TFPI: variants seen among roughly 807,000 people sequenced by gnomAD.
TFPI encodes the protein anti-convertin.
TFPI carries 15 observed loss-of-function variants against 34.6 expected under a neutral mutation model. The ratio of observed to expected loss-of-function variants is 0.43; its 90% CI spans 0.29 to 0.67. The LOEUF (loss-of-function observed/expected upper bound fraction) is 0.67, where lower values mean the gene tolerates loss of function less well. TFPI is among the 30% of genes least tolerant of loss of function. The probability of loss-of-function intolerance (pLI) is 0.15; values close to 1 mark genes in which losing one functional copy is unlikely to be tolerated. For synonymous variants in TFPI, 105 were observed against 120.1 expected (o/e 0.87, Z 0.82); for missense variants, 301 against 364.0 (o/e 0.83, Z 1.41).
intron 1 of TFPI, 139 bp from the exon 2 acceptor site, chr2:187,503,909 A>G: frequency 2.4e-6 from 2 of 828,734 alleles, no homozygotes; most frequent in East Asian, 2.7e-5. Flanking sequence ...TTCTCTGTGC[A>G]TACTCAATGA....
chr2:187,516,456 T>G (rs1687010776), intron 1 of TFPI: 2 of 152,210 alleles, frequency 1.3e-5, no homozygotes, highest in Non-Finnish European at 2.9e-5. Context: ...CTGTACTCCT[T>G]CAAGTAATAA....
At chr2:187,494,441 A>G (rs1404841811) in intron 3 of TFPI, among the ~76,000 whole-genome samples, 4 of 152,120 alleles carry the variant, frequency 2.6e-5, no homozygotes, top group Non-Finnish European at 5.9e-5. Context: ...AGCAGGGGAG[A>G]CTGCAGGGCT....
rs1351890137 is a variant in TFPI, at chr2:187,520,052, A to AT, written c.-2-16283dup. On this transcript the variant is annotated intron_variant, in intron 1 of 7. Coordinates refer to ENST00000233156, the MANE Select transcript of TFPI (RefSeq NM_006287.6). ...TCAGACTGCTATGCTAGCAGCAAGA[A>AT]TTTCAAGCCAATGAATGTTAGCTTA... Among the ~76,000 whole-genome samples, 6 of 152,100 alleles carry AT rather than the reference A, an allele frequency of 3.9e-5. 1 individual carries two copies. The highest frequency in any genetic ancestry group is 1.2e-4 in the African/African-American group (5 of 41,392).
intron 1 of TFPI, among the ~76,000 whole-genome samples, chr2:187,506,387 T>A (rs1686221646): frequency 6.6e-6 from 1 of 152,120 alleles, no homozygotes; most frequent in African/African-American, 2.4e-5. Flanking sequence ...CAGAGACTTC[T>A]CATACACCTC....
intron 7 of TFPI, among the ~76,000 whole-genome samples, 153 bp from the exon 8 acceptor site, chr2:187,467,195 A>G (rs1237330457): frequency 6.6e-6 from 1 of 152,002 alleles, no homozygotes; most frequent in East Asian, 1.9e-4. Context: ...GTGTAGAACA[A>G]TTTATTTTTA....
chr2:187,518,734 T>C (rs1351012118), intron 1 of TFPI: 1 of 152,232 alleles, frequency 6.6e-6, no homozygotes, highest in Non-Finnish European at 1.5e-5. Flanking sequence ...CGAAGAGTGT[T>C]TTCCAGCTCC....
chr2:187,525,086 G>C (rs1398444422), intron 1 of TFPI, among the ~76,000 whole-genome samples: 5 of 151,706 alleles, frequency 3.3e-5, no homozygotes, highest in Non-Finnish European at 5.9e-5. Flanking sequence ...GAAAGGAAAG[G>C]AAAGAAAAAA....
At chr2:187,519,199 G>T (rs1004001252) in intron 1 of TFPI, 2 of 152,184 alleles carry the variant, frequency 1.3e-5, no homozygotes, top group African/African-American at 4.8e-5. Context: ...CAAGGAGTGT[G>T]ATCTGTTGGA....
At chr2:187,478,495 C>G (rs1026974805) in intron 6 of TFPI, 1 of 911,698 alleles carries the variant, frequency 1.1e-6, no homozygotes, top group Non-Finnish European at 1.5e-6. Flanking sequence ...TCAAAAGACT[C>G]ACAACTAGCA....
At chr2:187,536,739 A>G (rs1688279115) in intron 1 of TFPI, among the ~76,000 whole-genome samples, 1 of 148,240 alleles carries the variant, frequency 6.7e-6, no homozygotes, top group African/African-American at 2.4e-5. Context: ...GGCAAGGGCA[A>G]TCAGGTAAGA....
At chr2:187,527,362 A>G (rs1687732740) in intron 1 of TFPI, 1 of 152,192 alleles carries the variant, frequency 6.6e-6, no homozygotes, top group Non-Finnish European at 1.5e-5. Context: ...CCAATGGAGA[A>G]CTTGCATAAT....
intron 1 of TFPI, among the ~76,000 whole-genome samples, chr2:187,506,814 CT>C (rs1306950897): frequency 6.6e-6 from 1 of 152,068 alleles, no homozygotes; most frequent in Middle Eastern, 3.2e-3. Context: ...TAATTTATGA[CT>C]GCTGATATTG....
intron 6 of TFPI, among the ~76,000 whole-genome samples, chr2:187,480,110 T>C (rs535244595): frequency 3.0e-4 from 45 of 152,216 alleles, no homozygotes; most frequent in African/African-American, 1.0e-3. Context: ...ATGCATTAAT[T>C]TAATTCTAGT....
intron 6 of TFPI, among the ~76,000 whole-genome samples, chr2:187,480,381 T>C (rs1692761722): frequency 1.3e-5 from 2 of 152,086 alleles, no homozygotes; most frequent in Admixed American, 6.6e-5. Context: ...AGTTATGTAT[T>C]TTGACTGATT....
intron 1 of TFPI, among the ~76,000 whole-genome samples, chr2:187,525,814 G>T (rs767856110): frequency 7.2e-5 from 11 of 151,878 alleles, no homozygotes; most frequent in Non-Finnish European, 1.5e-4. Flanking sequence ...CAAACTTATA[G>T]CCTCCAGGAC....
intron 6 of TFPI, among the ~76,000 whole-genome samples, chr2:187,471,106 G>A (rs1216136225): frequency 4.6e-5 from 7 of 152,108 alleles, no homozygotes; most frequent in African/African-American, 1.7e-4. Flanking sequence ...AACTTTTAGA[G>A]GTTTTTAAAG....
intron 1 of TFPI, among the ~76,000 whole-genome samples, chr2:187,525,232 AC>A (rs1687616314): frequency 6.6e-6 from 1 of 152,116 alleles, no homozygotes; most frequent in Non-Finnish European, 1.5e-5. Flanking sequence ...AGGGAATATA[AC>A]CTTCCAAGTA....
intron 1 of TFPI, chr2:187,517,976 T>C (rs1687123237): frequency 6.6e-6 from 1 of 152,190 alleles, no homozygotes; most frequent in Non-Finnish European, 1.5e-5. Flanking sequence ...TGCTTTGTTT[T>C]GGTTTCCATT....
At chr2:187,541,603 G>A (rs1275204030) in intron 1 of TFPI, among the ~76,000 whole-genome samples, 3 of 152,176 alleles carry the variant, frequency 2.0e-5, no homozygotes, top group Admixed American at 6.5e-5. Flanking sequence ...GGAGACAAAC[G>A]ATCATTGTTT....
Sources: allele counts gnomAD v4.1 joint callset (sites outside exome capture counted in the v4.1 genomes callset), GRCh38; gene constraint gnomAD v4.1.1; transcripts MANE v1.5; gene names NCBI Gene and HGNC (gene_info 2026-07-23, HGNC 2026-07-21).